Variants in UNC13C observed in about 807,000 individuals in gnomAD.
UNC13C encodes the protein protein unc-13 homolog C.
A neutral mutation model predicts 245.4 loss-of-function variants in UNC13C; 174 were observed. The observed-to-expected ratio is 0.71, with a 90% CI of 0.63 to 0.80. The LOEUF (loss-of-function observed/expected upper bound fraction) is 0.80. UNC13C is among the 30% of genes least tolerant of loss of function. The pLI, the probability that UNC13C is intolerant of heterozygous loss-of-function variation, is 0.00. For missense variants in UNC13C, 2,829 were observed against 2,602.9 expected, an observed-to-expected ratio of 1.09 and a Z score of -1.89; for synonymous variants, 992 against 895.1, an observed-to-expected ratio of 1.11 and a Z score of -1.93.
rs147059471 is a variant in UNC13C at position 54,221,353 on chromosome 15, C to G, written c.3072-13677C>G. On this transcript the variant is annotated intron_variant, in intron 4 of 32. Coordinates refer to ENST00000260323, the MANE Select transcript of UNC13C (RefSeq NM_001080534.3). ...TGTGGAAAGTGAATCACCAATTGTA[C>G]AAACATAAATATTCATTCAGTGTTG... is the stretch of plus-strand genomic sequence containing the variant. 9.1e-3 allele frequency among the ~76,000 whole-genome samples: 1,386 copies of G among 151,750 alleles called. 10 individuals carry two copies. Among genetic ancestry groups the G allele is most frequent in the Non-Finnish European group, 0.015 (993 of 67,858 alleles).
chr15:53,935,824 C>A, the UNC13C span, among the ~76,000 whole-genome samples: 1 of 152,144 alleles, frequency 6.6e-6, no homozygotes, highest in African/African-American at 2.4e-5. Flanking sequence ...AACAGGAGAC[C>A]CCCTTGTGAG....
At chr15:54,485,193 A>G (rs1241483488) in intron 19 of UNC13C, among the ~76,000 whole-genome samples, 1 of 152,232 alleles carries the variant, frequency 6.6e-6, no homozygotes, top group Non-Finnish European at 1.5e-5. Context: ...CTTCATTCCC[A>G]GTAAGACCTA....
At position 54,275,920 on chromosome 15, in the gene UNC13C, G is replaced by A. The variant is rs1407111498; in HGVS notation, c.3818+10424G>A. ...ATAGATATAAGTCGTGGTAAATCCA[G>A]AGACTGAAATACTAGTTAATAGTGA... On this transcript the variant is annotated intron_variant, in intron 10 of 32. Transcript: ENST00000260323. Among the ~76,000 whole-genome samples, 6 of 152,220 alleles carry A rather than the reference G, an allele frequency of 3.9e-5. No homozygotes were observed. In the South Asian group the frequency reaches 6.2e-4, roughly 16 times the overall value.
the UNC13C span, among the ~76,000 whole-genome samples, chr15:53,944,395 C>G: frequency 2.0e-5 from 3 of 151,986 alleles, no homozygotes; most frequent in African/African-American, 7.3e-5. Flanking sequence ...TTTTCTGATC[C>G]TTTCCCTCCT....
At chr15:53,975,353 T>C (rs909927496), upstream of UNC13C, among the ~76,000 whole-genome samples, 1 of 152,240 alleles carries the variant, frequency 6.6e-6, no homozygotes, top group African/African-American at 2.4e-5. Flanking sequence ...AACATAATCA[T>C]ATTTTTCTCC....
At chr15:54,594,831 G>C (rs886600483) in intron 30 of UNC13C, among the ~76,000 whole-genome samples, 2 of 152,190 alleles carry the variant, frequency 1.3e-5, no homozygotes, top group African/African-American at 4.8e-5. Context: ...CCACCCAGTG[G>C]GTACCCCGAG....
At chr15:54,489,479 A>G (rs1423696708) in intron 19 of UNC13C, among the ~76,000 whole-genome samples, 1 of 152,218 alleles carries the variant, frequency 6.6e-6, no homozygotes, top group African/African-American at 2.4e-5. Context: ...GACAGCCTCA[A>G]TGTATGTGTG....
At chr15:53,853,494 T>C in the UNC13C span, among the ~76,000 whole-genome samples, 1 of 152,218 alleles carries the variant, frequency 6.6e-6, no homozygotes, top group Non-Finnish European at 1.5e-5. Context: ...AAGTGAATGA[T>C]TTATATTCCT....
chr15:53,922,282 G>T, the UNC13C span, among the ~76,000 whole-genome samples: 2 of 152,184 alleles, frequency 1.3e-5, no homozygotes, highest in East Asian at 3.8e-4. Flanking sequence ...TCTGGCTCAA[G>T]TTATAACAGA....
chr15:54,453,901 C>T (rs976059330), intron 19 of UNC13C, among the ~76,000 whole-genome samples: 2 of 152,074 alleles, frequency 1.3e-5, no homozygotes, highest in African/African-American at 2.4e-5. Context: ...GCAACGAGCA[C>T]CCCATCTAGT....
chr15:53,940,147 C>T, the UNC13C span, among the ~76,000 whole-genome samples: 1 of 152,138 alleles, frequency 6.6e-6, no homozygotes, highest in Admixed American at 6.5e-5. Flanking sequence ...CACCATGGCA[C>T]TTAGATAAGG....
At chr15:53,940,955 AT>A in the UNC13C span, among the ~76,000 whole-genome samples, 6 of 152,304 alleles carry the variant, frequency 3.9e-5, no homozygotes, top group African/African-American at 1.4e-4. Flanking sequence ...TAGAAAAAAA[AT>A]CTATTTTAAA....
At chr15:53,891,194 G>A in the UNC13C span, among the ~76,000 whole-genome samples, 1 of 152,052 alleles carries the variant, frequency 6.6e-6, no homozygotes, top group African/African-American at 2.4e-5. Context: ...TCTTAATCCT[G>A]GGTTCTAATT....
the UNC13C span, among the ~76,000 whole-genome samples, chr15:53,864,585 T>C: frequency 2.6e-5 from 4 of 152,328 alleles, no homozygotes; most frequent in African/African-American, 7.2e-5. Flanking sequence ...ACTTTCAACA[T>C]TCTCTCTACC....
intron 19 of UNC13C, among the ~76,000 whole-genome samples, chr15:54,440,572 G>A (rs1567273493): frequency 6.6e-6 from 1 of 151,956 alleles, no homozygotes; most frequent in Non-Finnish European, 1.5e-5. Flanking sequence ...AGGTACTTGG[G>A]TTGGTTCCAT....
chr15:54,229,983 T>C (rs980045909), intron 4 of UNC13C, among the ~76,000 whole-genome samples: 2 of 152,314 alleles, frequency 1.3e-5, no homozygotes, highest in South Asian at 4.1e-4. Context: ...TATTCTATTG[T>C]GTATATATGC....
intron 17 of UNC13C, among the ~76,000 whole-genome samples, chr15:54,389,218 G>C (rs897965896): frequency 1.6e-4 from 24 of 152,292 alleles, no homozygotes; most frequent in African/African-American, 5.8e-4. Flanking sequence ...GAAGGGAATG[G>C]AGGGCTTTAG....
At chr15:54,012,329 T>C (rs1049235463) in intron 1 of UNC13C, among the ~76,000 whole-genome samples, 26 of 152,172 alleles carry the variant, frequency 1.7e-4, no homozygotes, top group African/African-American at 5.3e-4. Flanking sequence ...GAAATGACTT[T>C]ATGAAGTCAA....
chr15:54,281,190 G>A (rs1351184295), intron 10 of UNC13C, among the ~76,000 whole-genome samples: 1 of 152,098 alleles, frequency 6.6e-6, no homozygotes, highest in South Asian at 2.1e-4. Context: ...AGTTTATAAA[G>A]TGCTATTATT....
Sources: gnomAD v4.1 joint callset for allele counts (sites outside exome capture counted in the v4.1 genomes callset) on GRCh38, gnomAD v4.1.1 for gene constraint, MANE v1.5 for transcripts, NCBI Gene and HGNC (gene_info 2026-07-23, HGNC 2026-07-21) for gene names.